The following DNAI3 variants were observed in gnomAD, a reference collection of about 807,000 sequenced individuals.
DNAI3 encodes the protein dynein axonemal intermediate chain 3.
DNAI3 carries 83 observed loss-of-function variants against 115.5 expected under a neutral mutation model. That is an observed-to-expected ratio of 0.72 (90% confidence interval 0.60 to 0.86). The LOEUF (loss-of-function observed/expected upper bound fraction) is 0.86, where lower values mean the gene tolerates loss of function less well. Ranked by LOEUF, DNAI3 falls within the 40% of genes least tolerant of loss-of-function variation. The probability of loss-of-function intolerance (pLI) is 0.00; values close to 1 mark genes in which losing one functional copy is unlikely to be tolerated. For synonymous variants in DNAI3, 320 were observed against 347.0 expected, an observed-to-expected ratio of 0.92 and a Z score of 0.86; for missense variants, 1,004 against 1,075.8, an observed-to-expected ratio of 0.93 and a Z score of 0.93.
intron 19 of DNAI3, 147 bp from the exon 20 acceptor site, chr1:85,126,364 C>T: frequency 1.2e-6 from 1 of 801,882 alleles, no homozygotes; most frequent in East Asian, 2.7e-5. Context: ...AACCCTACAA[C>T]AAAGAGAAGT....
intron 16 of DNAI3, among the ~76,000 whole-genome samples, chr1:85,111,066 T>C (rs751914693): frequency 2.6e-5 from 4 of 152,198 alleles, no homozygotes; most frequent in Non-Finnish European, 5.9e-5. Context: ...TAACTAGCAA[T>C]TGAAATATTT....
At chr1:85,124,028 G>T (rs952327009) in intron 18 of DNAI3, 93 bp from the exon 19 acceptor site, 13 of 1,542,332 alleles carry the variant, frequency 8.4e-6, no homozygotes, top group Non-Finnish European at 1.1e-5. Context: ...CATTCATGGG[G>T]CCCTGTCTGT....
rs1185249183 is a variant in DNAI3, at chr1:85,093,468, G to C, written c.868G>C (p.Ala290Pro). 6.2e-7 allele frequency: 1 copy of C among 1,613,522 alleles called. No homozygotes were observed. Among genetic ancestry groups the C allele is most frequent in the East Asian group, 2.2e-5 (1 of 44,894 alleles). ...LNNASISVEI[A>P]LQQNEIMNTF... ...ATTTTTACAAATTAGTGTTGAAATA[G>C]CCCTGCAGCAAAATGAAATCATGAA... Residue 290 changes from alanine to proline, a missense_variant, in exon 9 of 23, where the codon GCC becomes CCC. Around this residue, in one of 3 missense-constraint regions of DNAI3, gnomAD observed 550 missense variants for 568.1 expected, o/e 0.97. Coordinates refer to ENST00000294664, the MANE Select transcript of DNAI3 (RefSeq NM_145172.5).
Position 85,096,022 on chromosome 1 carries a change from T to G in DNAI3, c.1263+2T>G, listed in dbSNP as rs1655112009. On this transcript the variant is annotated splice_donor_variant, in intron 11 of 22. Transcript: ENST00000294664. LOFTEE classifies it high-confidence loss of function. ...GCTGGAGGCTGTATCAATGGGCAGG[T>G]ACTTAACAGAATTTTTTTCAGCTAT... 1.2e-6 allele frequency: 2 copies of G among 1,613,516 alleles called. No individual in the cohort carries two copies.
rs2100586680 is a variant in DNAI3, at chr1:85,098,639, G to A, written c.1460G>A (p.Trp487Ter). 6.2e-7 allele frequency: 1 copy of A among 1,612,830 alleles called. No homozygotes were observed. The highest frequency in any genetic ancestry group is 1.7e-4 in the Middle Eastern group (1 of 6,048). Residue 487 changes from tryptophan (W) to a stop codon, truncating the protein, a stop_gained, in exon 13 of 23, where the codon TGG becomes TAG. Coordinates refer to ENST00000294664, the MANE Select transcript of DNAI3 (RefSeq NM_145172.5). LOFTEE classifies it high-confidence loss of function. ...AAGAAAGTAATTACAGATATACACTGGTTGTCTGACACATTTGAGGTGAGA... is the reference window on the plus strand; with the variant it reads ...AAGAAAGTAATTACAGATATACACTAGTTGTCTGACACATTTGAGGTGAGA... ...GHKKVITDIH[W>*]LSDTFEINRM... is the part of the protein sequence containing the mutation.
At chr1:85,127,713 G>T (rs909445732) in intron 20 of DNAI3, among the ~76,000 whole-genome samples, 4 of 152,156 alleles carry the variant, frequency 2.6e-5, no homozygotes, top group Non-Finnish European at 4.4e-5. Flanking sequence ...TCCCACTTTG[G>T]TGTAAAACAT....
chr1:85,109,853 C>T (rs181980348), intron 15 of DNAI3, among the ~76,000 whole-genome samples, 195 bp from the exon 16 acceptor site: 1 of 151,964 alleles, frequency 6.6e-6, no homozygotes. Flanking sequence ...CTTTCTGTAG[C>T]TGGGTTTAGA....
intron 18 of DNAI3, among the ~76,000 whole-genome samples, chr1:85,123,677 C>T (rs1656050664): frequency 6.6e-6 from 1 of 152,196 alleles, no homozygotes; most frequent in South Asian, 2.1e-4. Flanking sequence ...CTTCACAACA[C>T]TTTTCACAAT....
At chr1:85,132,510 A>T (rs1204631492) in intron 22 of DNAI3, among the ~76,000 whole-genome samples, 2 of 152,240 alleles carry the variant, frequency 1.3e-5, no homozygotes, top group Non-Finnish European at 2.9e-5. Flanking sequence ...TATGCCATCC[A>T]TATGGACTCA....
At chr1:85,104,448 C>A in intron 13 of DNAI3, 76 bp from the exon 14 acceptor site, 5 of 1,288,810 alleles carry the variant, frequency 3.9e-6, no homozygotes, top group Admixed American at 1.9e-5. Flanking sequence ...ACATTTAAAA[C>A]AAAGAAGAAA....
intron 11 of DNAI3, 39 bp downstream of exon 11, chr1:85,096,059 G>C: frequency 6.3e-7 from 1 of 1,579,718 alleles, no homozygotes; most frequent in African/African-American, 1.3e-5. Context: ...TATTAATGTA[G>C]ACAACCTTTG....
At chr1:85,130,292 T>C (rs1020771) in intron 22 of DNAI3, 180 bp downstream of exon 22, 549,788 of 807,946 alleles carry the variant, frequency 0.68, 192,011 homozygotes, top group South Asian at 0.83. Flanking sequence ...AGACACGTAG[T>C]GAGATTCTGT....
At chr1:85,111,817 A>T (rs539760399) in intron 16 of DNAI3, among the ~76,000 whole-genome samples, 3 of 152,318 alleles carry the variant, frequency 2.0e-5, no homozygotes, top group African/African-American at 7.2e-5. Flanking sequence ...AATGAACTGC[A>T]TATTGTCAAA....
chr1:85,120,620 G>A (rs1655969580), intron 17 of DNAI3, among the ~76,000 whole-genome samples: 1 of 152,168 alleles, frequency 6.6e-6, no homozygotes, highest in Non-Finnish European at 1.5e-5. Context: ...CTTTGGTGAG[G>A]GCTAAGGGTC....
intron 17 of DNAI3, among the ~76,000 whole-genome samples, chr1:85,119,546 C>T (rs1350978688): frequency 6.6e-6 from 1 of 152,148 alleles, no homozygotes; most frequent in Non-Finnish European, 1.5e-5. Context: ...CATGACACCC[C>T]CTGCTCAAAC....
Position 85,084,592 on chromosome 1 carries a change from C to T in DNAI3, c.437C>T (p.Pro146Leu), listed in dbSNP as rs1049682367. Residue 146 changes from proline (P) to leucine (L), a missense_variant, in exon 6 of 23, where the codon CCT becomes CTT. Coordinates refer to ENST00000294664, the MANE Select transcript of DNAI3 (RefSeq NM_145172.5). ...EEQEEYKEHIPEDVYIYKPPV... is the reference protein window; with the variant it reads ...EEQEEYKEHILEDVYIYKPPV... ...CAAGAAGAATATAAAGAACATATTC[C>T]TGAAGATGTGTATATTTATAAACCA... 6.4e-7 allele frequency: 1 copy of T among 1,554,094 alleles called. No homozygotes were observed. The highest frequency in any genetic ancestry group is 8.7e-7 in the Non-Finnish European group (1 of 1,152,000).
At chr1:85,064,901 T>C (rs192987645) in intron 1 of DNAI3, among the ~76,000 whole-genome samples, 24 of 152,140 alleles carry the variant, frequency 1.6e-4, no homozygotes, top group African/African-American at 5.8e-4. Flanking sequence ...GGCATGTTGG[T>C]GGACACCTGT....
rs183803830 is a variant in DNAI3, at chr1:85,097,718, A to G, written c.1350+63A>G. On this transcript the variant is annotated intron_variant, in intron 12 of 22. Transcript: ENST00000294664. ...CATTGAAGAGTTTATGGAAAAGTAC[A>G]TAATATAGTTGCCAAGGCTAATAAA... 7.9e-5 allele frequency: 112 copies of G among 1,416,570 alleles called. No individual in the cohort carries two copies. In the African/African-American group the frequency reaches 1.4e-3, roughly 18 times the overall value. 87.8% of individuals were successfully genotyped at this position (1,416,570 alleles called of 1,614,324 possible).
intron 3 of DNAI3, among the ~76,000 whole-genome samples, chr1:85,074,149 C>T (rs898961720): frequency 1.3e-5 from 2 of 152,134 alleles, no homozygotes; most frequent in Non-Finnish European, 2.9e-5. Flanking sequence ...ATCTCAAACC[C>T]ATCTGCTTCA....
Sources: gnomAD v4.1 joint callset for allele counts (sites outside exome capture counted in the v4.1 genomes callset) on GRCh38, gnomAD v4.1.1 for gene constraint, gnomAD v4.1.1 regional missense constraint, MANE v1.5 for transcripts, NCBI Gene and HGNC (gene_info 2026-07-23, HGNC 2026-07-21) for gene names.